The following RGS6 variants were observed in gnomAD, a reference collection of about 807,000 sequenced individuals.
RGS6 encodes the protein regulator of G protein signaling 6.
In RGS6, 30 loss-of-function variants were observed where a neutral mutation model predicts 78.5. That is an observed-to-expected ratio of 0.38 (90% confidence interval 0.29 to 0.52). The LOEUF (loss-of-function observed/expected upper bound fraction) is 0.52. Ranked by LOEUF, RGS6 falls within the 20% of genes least tolerant of loss-of-function variation. The pLI, the probability that RGS6 is intolerant of heterozygous loss-of-function variation, is 0.85. For synonymous variants in RGS6, 206 were observed against 206.0 expected, an observed-to-expected ratio of 1.00 and a Z score of 0.00; for missense variants, 495 against 609.7, an observed-to-expected ratio of 0.81 and a Z score of 1.98.
At chr14:72,442,826 G>A (rs2095253141) in intron 3 of RGS6, among the ~76,000 whole-genome samples, 2 of 152,222 alleles carry the variant, frequency 1.3e-5, no homozygotes, top group African/African-American at 4.8e-5. Context: ...GGAAAGCAAA[G>A]GGCTTAGCTG....
At position 72,326,994 on chromosome 14, in the gene RGS6, G is replaced by A. The variant is rs569649880; in HGVS notation, c.85-25101G>A. Among the ~76,000 whole-genome samples the A allele has an allele frequency of 2.3e-4, 35 of 152,252 alleles. 1 individual carries two copies. The South Asian group carries it at 5.2e-3, about 23-fold the overall frequency. On this transcript the variant is annotated intron_variant, in intron 2 of 17. Transcript: ENST00000553525. ...AGTGCTGGGATTACAGGTGTGAGCC[G>A]TTGCGCCCGGCCAGGTATTTCTTTA...
Position 71,964,762 on chromosome 14 carries a change from A to C in RGS6, c.-20-10A>C, listed in dbSNP as rs758956442. ...TCGTGACTTAATGGTTTATTCATTT[A>C]TTTTTGCAGTGTGAGTGAAGACACT... On this transcript the variant is annotated splice_polypyrimidine_tract_variant and intron_variant, in intron 1 of 17. Coordinates refer to ENST00000553525, the MANE Select transcript of RGS6 (RefSeq NM_001204424.2). 1 of 1,569,554 alleles carries C rather than the reference A, an allele frequency of 6.4e-7. No individual in the cohort carries two copies. Among genetic ancestry groups the C allele is most frequent in the Non-Finnish European group, 8.7e-7 (1 of 1,148,170 alleles).
the RGS6 span, chr14:72,619,503 G>C: frequency 1.0e-6 from 1 of 973,730 alleles, no homozygotes; most frequent in Non-Finnish European, 1.5e-6. Context: ...GCCTGAAAAC[G>C]TGCCAGAGTC....
chr14:71,995,229 A>C (rs1871477496), intron 2 of RGS6, among the ~76,000 whole-genome samples: 1 of 151,752 alleles, frequency 6.6e-6, no homozygotes, highest in South Asian at 2.1e-4. Flanking sequence ...TCCCCAATTG[A>C]AAAAAAAATC....
chr14:71,900,165 C>T, the RGS6 span, among the ~76,000 whole-genome samples: 1 of 152,216 alleles, frequency 6.6e-6, no homozygotes, highest in Non-Finnish European at 1.5e-5. Flanking sequence ...CCCTACTCTG[C>T]TTTAAAAGAG....
At chr14:72,376,836 G>A (rs910460787) in intron 3 of RGS6, among the ~76,000 whole-genome samples, 1 of 152,134 alleles carries the variant, frequency 6.6e-6, no homozygotes, top group African/African-American at 2.4e-5. Flanking sequence ...GCTTAAGAGA[G>A]TCTTACATCT....
At chr14:72,118,769 A>G (rs2095972117) in intron 2 of RGS6, among the ~76,000 whole-genome samples, 1 of 152,250 alleles carries the variant, frequency 6.6e-6, no homozygotes, top group Non-Finnish European at 1.5e-5. Flanking sequence ...TTCCTGGAAG[A>G]GTCTATTTAA....
upstream of RGS6, among the ~76,000 whole-genome samples, chr14:71,927,663 CTT>C (rs550261245): frequency 2.1e-5 from 3 of 143,686 alleles, no homozygotes; most frequent in Admixed American, 6.9e-5. Context: ...CTTTTTTTTT[CTT>C]TTTTTTTTTT....
In RGS6 at chr14:72,563,085, G is replaced by A. The variant is rs2097693409; in HGVS notation, c.*618G>A. The stretch of plus-strand genomic sequence containing the variant: ...ACCTCACGGATTGCCCCGCCTCAAG[G>A]TCTTTCCACCCTCTTTGAGATCAGC... On this transcript the variant is annotated 3_prime_UTR_variant, in exon 18 of 18. Coordinates refer to ENST00000553525, the MANE Select transcript of RGS6 (RefSeq NM_001204424.2). The A allele has an allele frequency of 2.6e-6, 1 of 389,186 alleles. No individual in the cohort carries two copies. The highest frequency in any genetic ancestry group is 4.8e-6 in the Non-Finnish European group (1 of 206,446). The allele number at this position is 389,186 out of a possible 1,614,324, so 24.1% of individuals were successfully genotyped here. A position where few individuals can be genotyped will look rare whatever the true frequency, so the allele number is the denominator to read the frequency against.
At chr14:72,379,481 G>T (rs972900581) in intron 3 of RGS6, among the ~76,000 whole-genome samples, 1 of 152,056 alleles carries the variant, frequency 6.6e-6, no homozygotes, top group Non-Finnish European at 1.5e-5. Flanking sequence ...ATTCAGTAAA[G>T]TTGCAGGTTA....
At chr14:72,450,156 C>G (rs1198616310) in intron 3 of RGS6, among the ~76,000 whole-genome samples, 40 of 151,810 alleles carry the variant, frequency 2.6e-4, no homozygotes, top group Non-Finnish European at 4.9e-4. Flanking sequence ...TTTTCCTCTC[C>G]ATATTTATAT....
the RGS6 span, among the ~76,000 whole-genome samples, chr14:71,900,608 C>T: frequency 2.0e-5 from 3 of 152,134 alleles, no homozygotes; most frequent in Admixed American, 6.5e-5. Flanking sequence ...TGTTAGAAAA[C>T]TGAAAGTTTA....
intron 2 of RGS6, among the ~76,000 whole-genome samples, chr14:72,328,951 A>C (rs2074383700): frequency 1.3e-5 from 2 of 152,166 alleles, no homozygotes; most frequent in African/African-American, 4.8e-5. Context: ...GGCTCACTGC[A>C]ACCTCTGCCA....
chr14:71,992,757 C>T (rs2095019563), intron 2 of RGS6, among the ~76,000 whole-genome samples: 1 of 152,114 alleles, frequency 6.6e-6, no homozygotes, highest in Admixed American at 6.5e-5. Flanking sequence ...TATATTTGGC[C>T]AACTTATATT....
intron 3 of RGS6, among the ~76,000 whole-genome samples, chr14:72,416,938 GT>G (rs960025801): frequency 6.6e-6 from 1 of 152,214 alleles, no homozygotes; most frequent in Non-Finnish European, 1.5e-5. Context: ...TGATTGGTGT[GT>G]ATAAAACACT....
the RGS6 span, among the ~76,000 whole-genome samples, chr14:72,587,792 G>A: frequency 6.6e-6 from 1 of 152,190 alleles, no homozygotes; most frequent in Admixed American, 6.5e-5. Context: ...ACTAACACTA[G>A]GTAAAACCTT....
intron 2 of RGS6, among the ~76,000 whole-genome samples, chr14:72,281,869 C>T (rs73302890): frequency 0.05 from 7,610 of 152,196 alleles, 563 homozygotes; most frequent in African/African-American, 0.17. Context: ...CAAGTCCTTG[C>T]AGGCCACAGT....
intron 2 of RGS6, among the ~76,000 whole-genome samples, chr14:72,307,486 T>G: frequency 6.6e-6 from 1 of 152,202 alleles, no homozygotes; most frequent in Non-Finnish European, 1.5e-5. Context: ...GAGATAAAGA[T>G]CTATAATTTG....
chr14:72,181,959 A>G (rs928191884), intron 2 of RGS6, among the ~76,000 whole-genome samples: 1 of 152,242 alleles, frequency 6.6e-6, no homozygotes, highest in East Asian at 1.9e-4. Flanking sequence ...GATTTACCAC[A>G]AAAAAGGAAA....
Sources: gnomAD v4.1 joint callset for allele counts (sites outside exome capture counted in the v4.1 genomes callset) on GRCh38, gnomAD v4.1.1 for gene constraint, MANE v1.5 for transcripts, NCBI Gene and HGNC (gene_info 2026-07-23, HGNC 2026-07-21) for gene names.